Variants in CCDC88C observed in about 807,000 individuals in gnomAD.
The protein encoded by CCDC88C is protein Daple.
In CCDC88C, 131 loss-of-function variants were observed where a neutral mutation model predicts 198.8. The ratio of observed to expected loss-of-function variants is 0.66; its 90% confidence interval spans 0.57 to 0.76. The LOEUF is 0.76. CCDC88C is among the 30% of genes least tolerant of loss of function. The pLI is 0.00. For missense variants in CCDC88C, 2,553 were observed against 2,631.6 expected (o/e 0.97, Z 0.65); for synonymous variants, 1,166 against 1,114.7 (o/e 1.05, Z -0.92).
intron 2 of CCDC88C, among the ~76,000 whole-genome samples, chr14:91,409,498 T>C (rs1425182350): frequency 6.7e-6 from 1 of 149,354 alleles, no homozygotes; most frequent in Non-Finnish European, 1.5e-5. Context: ...TTCTTTTTTT[T>C]TTTTTTTGAG....
chr14:91,384,532 T>C, intron 3 of CCDC88C: 7 of 507,930 alleles, frequency 1.4e-5, no homozygotes, highest in South Asian at 1.0e-4. Context: ...ACCTTCTTCA[T>C]CATAATCATC....
chr14:91,353,770 CAT>C (rs1893918125), intron 4 of CCDC88C, among the ~76,000 whole-genome samples: 1 of 152,214 alleles, frequency 6.6e-6, no homozygotes, highest in Non-Finnish European at 1.5e-5. Flanking sequence ...AGAGAGAAAA[CAT>C]AGGACAGAGG....
At chr14:91,356,890 A>T (rs555535044) in intron 4 of CCDC88C, among the ~76,000 whole-genome samples, 3 of 152,118 alleles carry the variant, frequency 2.0e-5, no homozygotes, top group Non-Finnish European at 4.4e-5. Flanking sequence ...GAAGAGGGGG[A>T]GCACCAGCAG....
At position 91,331,110 on chromosome 14, in the gene CCDC88C, G is replaced by A. The variant is rs1002275749; in HGVS notation, c.1051-5054C>T. Among the ~76,000 whole-genome samples, 13 of 151,724 alleles carry A rather than the reference G, an allele frequency of 8.6e-5. No individual in the cohort carries two copies. In the Middle Eastern group the frequency reaches 0.01, roughly 120 times the overall value. On this transcript the variant is annotated intron_variant, in intron 10 of 29. Coordinates refer to ENST00000389857, the MANE Select transcript of CCDC88C (RefSeq NM_001080414.4). ...CAAGAGTGGCTTTGGTAAGTGGGGC[G>A]GGGGTGGGGGGAGCGGTGCAGGCAC... is the stretch of plus-strand genomic sequence containing the variant.
At chr14:91,334,547 C>T (rs1437349875) in intron 10 of CCDC88C, among the ~76,000 whole-genome samples, 2 of 152,214 alleles carry the variant, frequency 1.3e-5, no homozygotes, top group African/African-American at 4.8e-5. Flanking sequence ...CACGCCTGGG[C>T]CACAGAGGTG....
In CCDC88C at chr14:91,338,984, G is replaced by A. The variant is rs1278759251; in HGVS notation, c.809+294C>T. ...AAAACACATCAGGTGTGGTCGTCCCGGCCCCAAGCTGGAGCTGAGCGTGGA... is the reference window on the plus strand; with the variant it reads ...AAAACACATCAGGTGTGGTCGTCCCAGCCCCAAGCTGGAGCTGAGCGTGGA... On this transcript the variant is annotated intron_variant, in intron 8 of 29. Transcript: ENST00000389857. The surrounding 1 kb of genome is among the most constrained non-coding windows in gnomAD (Gnocchi z 4.8). 5 of 530,520 alleles carry A rather than the reference G, an allele frequency of 9.4e-6. No individual in the cohort carries two copies. The highest frequency in any genetic ancestry group is 3.4e-5 in the East Asian group (1 of 29,500). 32.9% of individuals were successfully genotyped at this position (530,520 alleles called of 1,614,324 possible).
chr14:91,274,848 C>T (rs1394480282), intron 29 of CCDC88C, among the ~76,000 whole-genome samples: 2 of 152,162 alleles, frequency 1.3e-5, no homozygotes, highest in Non-Finnish European at 2.9e-5. Flanking sequence ...GTTTGGCAGG[C>T]CATGCGTCCA....
At chr14:91,327,645 G>A (rs893020266) in intron 10 of CCDC88C, among the ~76,000 whole-genome samples, 3 of 152,210 alleles carry the variant, frequency 2.0e-5, no homozygotes, top group African/African-American at 4.8e-5. Context: ...GCCCACCCTC[G>A]AGGGGCTTGT....
intron 3 of CCDC88C, among the ~76,000 whole-genome samples, chr14:91,405,497 C>T (rs1242135641): frequency 6.6e-6 from 1 of 152,142 alleles, no homozygotes; most frequent in African/African-American, 2.4e-5. Flanking sequence ...TTCTGGAATA[C>T]CCCTTTACTA....
intron 27 of CCDC88C, 188 bp downstream of exon 27, chr14:91,281,269 C>A (rs546846283): frequency 1.4e-6 from 2 of 1,449,270 alleles, no homozygotes; most frequent in East Asian, 5.3e-5. Context: ...GAATTCCCCA[C>A]CACTGGAGGT....
Position 91,294,198 on chromosome 14 carries a change from ACTGCTCCTTGTTCTCCATGTT to A in CCDC88C, c.4066_4086del (p.Asn1356_Gln1362del). 6 of 1,613,986 alleles carry A rather than the reference ACTGCTCCTTGTTCTCCATGTT, an allele frequency of 3.7e-6. No individual in the cohort carries two copies. Among genetic ancestry groups the A allele is most frequent in the Non-Finnish European group, 5.1e-6 (6 of 1,179,878 alleles). On this transcript the variant is annotated inframe_deletion, in exon 23 of 30. Coordinates refer to ENST00000389857, the MANE Select transcript of CCDC88C (RefSeq NM_001080414.4). ...ATGTACTGCTTCTGCTCCTCATGGT[ACTGCTCCTTGTTCTCCATGTT>A]CTGCTCCAGAAGCATCTGGTTCTGC...
chr14:91,416,485 A>G (rs1324983404), intron 2 of CCDC88C, among the ~76,000 whole-genome samples: 1 of 152,162 alleles, frequency 6.6e-6, no homozygotes, highest in African/African-American at 2.4e-5. Flanking sequence ...TGCACTATCT[A>G]CACCACGTAA....
chr14:91,345,423 C>G (rs1445076134), intron 4 of CCDC88C, among the ~76,000 whole-genome samples: 1 of 151,896 alleles, frequency 6.6e-6, no homozygotes, highest in African/African-American at 2.4e-5. Context: ...GAACTCCTGA[C>G]CTCGTGATCT....
chr14:91,388,031 T>G (rs1347525516), intron 3 of CCDC88C, among the ~76,000 whole-genome samples: 2 of 152,184 alleles, frequency 1.3e-5, no homozygotes, highest in African/African-American at 2.4e-5. Flanking sequence ...GGTTCTGCCT[T>G]GCGGCTGGGG....
At chr14:91,326,846 G>A (rs1414966310) in intron 10 of CCDC88C, among the ~76,000 whole-genome samples, 1 of 152,200 alleles carries the variant, frequency 6.6e-6, no homozygotes, top group Non-Finnish European at 1.5e-5. Context: ...GATAACAAAA[G>A]TTCTTGGCAG....
At chr14:91,395,884 CTCTT>C (rs1451843248) in intron 3 of CCDC88C, among the ~76,000 whole-genome samples, 4 of 152,190 alleles carry the variant, frequency 2.6e-5, no homozygotes, top group Admixed American at 2.6e-4. Flanking sequence ...GCAGCCTTGA[CTCTT>C]TATCTGAAAT....
chr14:91,293,588 G>GCCACGGCCCACCTTCCTGCCCCCTCA (rs1567056045), intron 23 of CCDC88C, among the ~76,000 whole-genome samples: 5 of 67,034 alleles, frequency 7.5e-5, no homozygotes, highest in Non-Finnish European at 1.3e-4. Flanking sequence ...CTGTCCCCTC[G>GCCACGGCCCACCTTCCTGCCCCCTCA]CCTGCCATGG....
chr14:91,323,517 C>T (rs1273525927), intron 12 of CCDC88C, among the ~76,000 whole-genome samples: 1 of 152,164 alleles, frequency 6.6e-6, no homozygotes, highest in Non-Finnish European at 1.5e-5. Context: ...AGCCACTGCC[C>T]CATACACTCA....
At chr14:91,400,120 G>A (rs1886086828) in intron 3 of CCDC88C, among the ~76,000 whole-genome samples, 1 of 151,902 alleles carries the variant, frequency 6.6e-6, no homozygotes, top group South Asian at 2.1e-4. Context: ...GTACACAGGT[G>A]TTATTGCAGC....
Sources: allele counts gnomAD v4.1 joint callset (sites outside exome capture counted in the v4.1 genomes callset), GRCh38; gene constraint gnomAD v4.1.1; non-coding constraint Gnocchi (gnomAD v3.1); transcripts MANE v1.5; gene names NCBI Gene and HGNC (gene_info 2026-07-23, HGNC 2026-07-21).